CFAP298: variants seen among roughly 807,000 people sequenced by gnomAD.
CFAP298 encodes the protein cilia- and flagella-associated protein 298.
Under a neutral mutation model 41.0 loss-of-function variants are expected in CFAP298, and 38 were observed. The ratio of observed to expected loss-of-function variants is 0.93; its 90% CI spans 0.72 to 1.22. The LOEUF (loss-of-function observed/expected upper bound fraction) is 1.22, where lower values mean the gene tolerates loss of function less well. Ranked by LOEUF, CFAP298 falls within the 50% of genes most tolerant of loss-of-function variation. The probability of loss-of-function intolerance (pLI) is 0.00; values close to 1 mark genes in which losing one functional copy is unlikely to be tolerated. For missense variants in CFAP298, 348 were observed against 360.3 expected, an observed-to-expected ratio of 0.97 and a Z score of 0.28; for synonymous variants, 137 against 135.3, an observed-to-expected ratio of 1.01 and a Z score of -0.09.
intron 5 of CFAP298, 121 bp from the exon 6 acceptor site, chr21:32,602,488 T>A: frequency 6.8e-7 from 1 of 1,461,088 alleles, no homozygotes; most frequent in Non-Finnish European, 9.0e-7. Flanking sequence ...AGGTCCCCCA[T>A]GTCTGATCAC....
intron 5 of CFAP298, chr21:32,602,661 C>T (rs1363509674): frequency 1.6e-6 from 2 of 1,261,928 alleles, no homozygotes; most frequent in Admixed American, 4.0e-5. Context: ...CTCAGAGCCA[C>T]GGACTCTGGA....
chr21:32,602,261 T>C lies in CFAP298; in HGVS notation c.762+11A>G. On this transcript the variant is annotated intron_variant, in intron 6 of 6. Transcript: ENST00000290155. ...GCCAGCACTGCAGAAAGCCCATCTG[T>C]CCCCTGCTACCTTGAGCTCCTCTTG... The C allele has an allele frequency of 6.2e-7, 1 of 1,613,344 alleles. No individual in the cohort carries two copies. The highest frequency in any genetic ancestry group is 1.1e-5 in the South Asian group (1 of 91,070).
At position 32,610,626 on chromosome 21, in the gene CFAP298, G is replaced by T. The variant is rs572848686; in HGVS notation, c.140-621C>A. 2.0e-5 allele frequency among the ~76,000 whole-genome samples: 3 copies of T among 152,264 alleles called. No individual in the cohort carries two copies. In the South Asian group the frequency reaches 6.2e-4, roughly 32 times the overall value. ...TTATAACGTTATAGGAAAAGAAGAT[G>T]AATTCCTTTTCTCCTCAAATGCTTT... On this transcript the variant is annotated intron_variant, in intron 1 of 6. Transcript: ENST00000290155.
Position 32,601,790 on chromosome 21 carries a change from T to C in CFAP298, c.*73A>G. 1.2e-6 allele frequency: 1 copy of C among 816,906 alleles called. No homozygotes were observed. Among genetic ancestry groups the C allele is most frequent in the Admixed American group, 2.3e-5 (1 of 43,460 alleles). 50.6% of individuals were successfully genotyped at this position (816,906 alleles called of 1,614,324 possible). ...ACAGAGGGCAGTAAGTGGCCTTTTT[T>C]TTTTTTTTAAATTATAATTGCCTAG... On this transcript the variant is annotated 3_prime_UTR_variant, in exon 7 of 7. Transcript: ENST00000290155.
At position 32,600,936 on chromosome 21, in the gene CFAP298, G is replaced by C. The variant is rs549088543; in HGVS notation, c.*927C>G. On this transcript the variant is annotated 3_prime_UTR_variant, in exon 7 of 7. Transcript: ENST00000290155. Reference sequence around the variant, plus strand: ...AACCTTCATCATGGTTGTAGCTTTCGCTCCCAGAATACAAGGCCAGAGAGG... The same window carrying C: ...AACCTTCATCATGGTTGTAGCTTTCCCTCCCAGAATACAAGGCCAGAGAGG... 6.6e-6 allele frequency among the ~76,000 whole-genome samples: 1 copy of C among 152,308 alleles called. No individual in the cohort carries two copies. Among genetic ancestry groups the C allele is most frequent in the African/African-American group, 2.4e-5 (1 of 41,584 alleles).
chr21:32,610,091 C>T (rs1356538843), intron 1 of CFAP298, 86 bp from the exon 2 acceptor site: 1 of 1,201,282 alleles, frequency 8.3e-7, no homozygotes, highest in Non-Finnish European at 1.2e-6. Flanking sequence ...GGGGTCTTGC[C>T]CATCTGGCTC....
At chr21:32,603,746 A>G (rs1244601281) in intron 4 of CFAP298, among the ~76,000 whole-genome samples, 1 of 152,248 alleles carries the variant, frequency 6.6e-6, no homozygotes, top group African/African-American at 2.4e-5. Context: ...AGGGTCAGAA[A>G]ATAACATGAA....
At position 32,601,821 on chromosome 21, in the gene CFAP298, A is replaced by C. The variant is rs142090148; in HGVS notation, c.*42T>G. On this transcript the variant is annotated 3_prime_UTR_variant, in exon 7 of 7. Coordinates refer to ENST00000290155, the MANE Select transcript of CFAP298 (RefSeq NM_021254.4). ...TTTAAATTATAATTGCCTAGGAGAA[A>C]GGTGAGCTAATCTCTTTGGAAGTGT... 4.0e-6 allele frequency: 4 copies of C among 1,012,450 alleles called. No homozygotes were observed. The Admixed American group carries it at 7.2e-5, about 18-fold the overall frequency. The allele number at this position is 1,012,450 out of a possible 1,614,324, so 62.7% of individuals were successfully genotyped here.
rs1704830081 is a variant in CFAP298, at chr21:32,600,882, A to G, written c.*981T>C. On this transcript the variant is annotated 3_prime_UTR_variant, in exon 7 of 7. Coordinates refer to ENST00000290155, the MANE Select transcript of CFAP298 (RefSeq NM_021254.4). The stretch of plus-strand genomic sequence containing the variant: ...AGCTGAGAAACTCCAGAAGAATTTA[A>G]GTTTCAAAGTCAGATGAGTTTGCTA... 6.6e-6 allele frequency among the ~76,000 whole-genome samples: 1 copy of G among 152,232 alleles called. No homozygotes were observed. The highest frequency in any genetic ancestry group is 2.4e-5 in the African/African-American group (1 of 41,460).
chr21:32,607,288 T>C (rs1404346939), intron 3 of CFAP298, among the ~76,000 whole-genome samples: 2 of 151,186 alleles, frequency 1.3e-5, no homozygotes, highest in Non-Finnish European at 3.0e-5. Context: ...AGAGTTGGAG[T>C]TTTATCTCAA....
At position 32,599,679 on chromosome 21, in the gene CFAP298, G is replaced by C. The variant is rs1006412455; in HGVS notation, c.*2184C>G. On this transcript the variant is annotated 3_prime_UTR_variant, in exon 7 of 7. Coordinates refer to ENST00000290155, the MANE Select transcript of CFAP298 (RefSeq NM_021254.4). ...ACCACCACTAGCTACCTGTGACCTT[G>C]GGTGAGTCAGCAAGTGGATGCAAAG... Among the ~76,000 whole-genome samples, 1 of 152,228 alleles carries C rather than the reference G, an allele frequency of 6.6e-6. No homozygotes were observed. The highest frequency in any genetic ancestry group is 2.4e-5 in the African/African-American group (1 of 41,452).
Position 32,601,598 on chromosome 21 carries a change from A to C in CFAP298, c.*265T>G, listed in dbSNP as rs2038739426. Reference sequence around the variant, plus strand: ...AGGCGTGAGCCACCGCGCCCGGCCAAAAGTTTAGTATTTTATCAAAGAAAA... The same window carrying C: ...AGGCGTGAGCCACCGCGCCCGGCCACAAGTTTAGTATTTTATCAAAGAAAA... On this transcript the variant is annotated 3_prime_UTR_variant, in exon 7 of 7. Coordinates refer to ENST00000290155, the MANE Select transcript of CFAP298 (RefSeq NM_021254.4). 1 of 292,434 alleles carries C rather than the reference A, an allele frequency of 3.4e-6. No homozygotes were observed. The highest frequency in any genetic ancestry group is 4.6e-5 in the Admixed American group (1 of 21,870). The allele number at this position is 292,434 out of a possible 1,614,324, so 18.1% of individuals were successfully genotyped here.
chr21:32,605,136 G>T (rs1568993312), intron 3 of CFAP298, among the ~76,000 whole-genome samples: 1 of 152,202 alleles, frequency 6.6e-6, no homozygotes, highest in South Asian at 2.1e-4. Flanking sequence ...CCAAAATCGT[G>T]CCACTGCACT....
intron 3 of CFAP298, chr21:32,604,518 A>C (rs2038824519): frequency 1.9e-6 from 1 of 513,258 alleles, no homozygotes; most frequent in African/African-American, 1.9e-5. Flanking sequence ...AAGTGCAAAG[A>C]ATTCTCAAAG....
chr21:32,610,068 C>A (rs2038956419), intron 1 of CFAP298, 63 bp from the exon 2 acceptor site: 2 of 1,435,880 alleles, frequency 1.4e-6, no homozygotes, highest in Non-Finnish European at 1.9e-6. Context: ...GGAATGTAAG[C>A]TCCAAAGAGT....
chr21:32,610,002 A>C lies in CFAP298; in HGVS notation c.143T>G (p.Met48Arg). The change falls in exon 2 of 7, where the codon ATG (methionine) becomes AGG (arginine). Residue 48 changes from methionine to arginine, a missense_variant. Coordinates refer to ENST00000290155, the MANE Select transcript of CFAP298 (RefSeq NM_021254.4). The stretch of plus-strand genomic sequence containing the variant: ...TATGCCATGTTCGGCTAATTCTTCC[A>C]TTTCTTAAAAATAAGTGAAAGACAG... ...RLKVQRLCSE[M>R]EELAEHGIFL... 2 of 1,613,070 alleles carry C rather than the reference A, an allele frequency of 1.2e-6. No individual in the cohort carries two copies. Among genetic ancestry groups the C allele is most frequent in the South Asian group, 2.2e-5 (2 of 90,944 alleles).
At chr21:32,609,732 T>C in intron 2 of CFAP298, 106 bp downstream of exon 2, 1 of 1,063,034 alleles carries the variant, frequency 9.4e-7, no homozygotes, top group Non-Finnish European at 1.3e-6. Flanking sequence ...GCCACTGCAC[T>C]CCAGCCTGGG....
At chr21:32,603,422 C>T in intron 4 of CFAP298, 130 bp from the exon 5 acceptor site, 1 of 878,642 alleles carries the variant, frequency 1.1e-6, no homozygotes, top group Non-Finnish European at 1.7e-6. Flanking sequence ...CTGACTCCCG[C>T]ACCTCACTCT....
At chr21:32,603,117 G>C in intron 5 of CFAP298, 44 bp downstream of exon 5, 2 of 1,605,614 alleles carry the variant, frequency 1.2e-6, no homozygotes, top group Non-Finnish European at 1.7e-6. Context: ...AGTTTGAAGG[G>C]AAATAACAAA....
Sources: allele counts gnomAD v4.1 joint callset (sites outside exome capture counted in the v4.1 genomes callset), GRCh38; gene constraint gnomAD v4.1.1; transcripts MANE v1.5; gene names NCBI Gene and HGNC (gene_info 2026-07-23, HGNC 2026-07-21).